The following NAV2 variants were observed in gnomAD, a reference collection of about 807,000 sequenced individuals.
NAV2 encodes neuron navigator 2, also known as helicase, APC down-regulated 1.
In NAV2, 54 loss-of-function variants were observed where a neutral mutation model predicts 223.2. The ratio of observed to expected loss-of-function variants is 0.24; its 90% CI spans 0.19 to 0.30. The LOEUF (loss-of-function observed/expected upper bound fraction) is 0.30. NAV2 is among the 10% of genes least tolerant of loss of function. The pLI is 1.00. For synonymous variants in NAV2, 1,279 were observed against 1,239.3 expected, an observed-to-expected ratio of 1.03 and a Z score of -0.67; for missense variants, 2,806 against 3,147.5, an observed-to-expected ratio of 0.89 and a Z score of 2.60.
At chr11:19,882,457 AGGT>A (rs1417189107) in intron 5 of NAV2, among the ~76,000 whole-genome samples, 2 of 152,328 alleles carry the variant, frequency 1.3e-5, no homozygotes, top group African/African-American at 4.8e-5. Context: ...ATGTTCAGAC[AGGT>A]GGTGACACAG....
intron 8 of NAV2, among the ~76,000 whole-genome samples, chr11:19,945,115 C>CTCTG (rs2046798015): frequency 1.5e-5 from 2 of 129,420 alleles, no homozygotes; most frequent in African/African-American, 5.9e-5. Flanking sequence ...TTCTTTTTTT[C>CTCTG]TCTTTCTTTC....
chr11:19,562,335 G>A (rs1300475902), intron 1 of NAV2, among the ~76,000 whole-genome samples: 1 of 152,182 alleles, frequency 6.6e-6, no homozygotes, highest in African/African-American at 2.4e-5. Flanking sequence ...CGCTCTCAGA[G>A]GGTGGAAAGT....
At chr11:19,451,414 A>G (rs1564946519) in intron 1 of NAV2, among the ~76,000 whole-genome samples, 1 of 152,088 alleles carries the variant, frequency 6.6e-6, no homozygotes, top group Non-Finnish European at 1.5e-5. Flanking sequence ...CTCTCCCCAA[A>G]TGGTACACAT....
chr11:19,411,719 G>C (rs907232646), intron 1 of NAV2, among the ~76,000 whole-genome samples: 6 of 152,080 alleles, frequency 3.9e-5, no homozygotes, highest in African/African-American at 1.4e-4. Flanking sequence ...CATTTAGATA[G>C]CCAAGGGCTA....
At chr11:19,725,880 C>A (rs371800598) in intron 1 of NAV2, among the ~76,000 whole-genome samples, 4 of 152,226 alleles carry the variant, frequency 2.6e-5, no homozygotes, top group African/African-American at 9.6e-5. Flanking sequence ...TACCAACTCT[C>A]GCTACATTCC....
intron 1 of NAV2, among the ~76,000 whole-genome samples, chr11:19,690,121 G>A (rs1359305770): frequency 1.3e-5 from 2 of 151,974 alleles, no homozygotes; most frequent in African/African-American, 4.8e-5. Flanking sequence ...CACCAACACG[G>A]CCGGCTAATT....
At chr11:19,811,014 G>T (rs1210158514) in intron 1 of NAV2, among the ~76,000 whole-genome samples, 1 of 152,196 alleles carries the variant, frequency 6.6e-6, no homozygotes, top group African/African-American at 2.4e-5. Context: ...AGGGTGCATT[G>T]TAGGTATTTA....
rs1011032615 is a variant in NAV2 at position 19,998,555 on chromosome 11, G to A, written c.2768+14308G>A. On this transcript the variant is annotated intron_variant, in intron 11 of 37. Transcript: ENST00000349880. This position sits in a 1 kb window ranked among gnomAD's most constrained non-coding sequence, Gnocchi z 5.0. ...TCCTTGCCGTGGCCTCCAAGGGGGT[G>A]TGTGTTCTGGCCCCTGCGCACCTCT... Among the ~76,000 whole-genome samples, 4 of 152,168 alleles carry A rather than the reference G, an allele frequency of 2.6e-5. No individual in the cohort carries two copies. The highest frequency in any genetic ancestry group is 5.9e-5 in the Non-Finnish European group (4 of 68,034).
chr11:19,625,788 C>A (rs1272995071), intron 1 of NAV2, among the ~76,000 whole-genome samples: 6 of 152,030 alleles, frequency 3.9e-5, no homozygotes, highest in African/African-American at 1.4e-4. Flanking sequence ...TGTGCATTTC[C>A]CTGATTACTA....
chr11:19,800,903 A>T (rs1336153050), intron 1 of NAV2, among the ~76,000 whole-genome samples: 1 of 152,178 alleles, frequency 6.6e-6, no homozygotes, highest in Non-Finnish European at 1.5e-5. Context: ...ATCCTAGACA[A>T]GGCATGAGGC....
At chr11:19,946,124 T>G (rs2046916079) in intron 8 of NAV2, among the ~76,000 whole-genome samples, 1 of 152,206 alleles carries the variant, frequency 6.6e-6, no homozygotes, top group Non-Finnish European at 1.5e-5. Flanking sequence ...GAAATGTGTT[T>G]ACATCTCAGA....
intron 1 of NAV2, among the ~76,000 whole-genome samples, chr11:19,513,266 A>G (rs1023685080): frequency 3.3e-5 from 5 of 152,244 alleles, no homozygotes; most frequent in Non-Finnish European, 5.9e-5. Context: ...ATTCTCAACC[A>G]GAAAAAGTTG....
At chr11:20,053,195 G>A (rs2153606963) in intron 17 of NAV2, among the ~76,000 whole-genome samples, 1 of 146,650 alleles carries the variant, frequency 6.8e-6, no homozygotes, top group Non-Finnish European at 1.5e-5. Flanking sequence ...TCCGGCCTGG[G>A]CAGTAGAGCA....
intron 1 of NAV2, among the ~76,000 whole-genome samples, chr11:19,785,961 A>G (rs946592411): frequency 6.6e-6 from 1 of 152,218 alleles, no homozygotes; most frequent in African/African-American, 2.4e-5. Flanking sequence ...TCACTCAGTA[A>G]GGATGACTGC....
chr11:19,454,570 C>A (rs772937606), intron 1 of NAV2, among the ~76,000 whole-genome samples: 1 of 152,150 alleles, frequency 6.6e-6, no homozygotes, highest in Non-Finnish European at 1.5e-5. Context: ...TCATTCTGAG[C>A]ATTCTTATTG....
intron 10 of NAV2, 93 bp from the exon 11 acceptor site, chr11:19,984,032 C>T: frequency 4.5e-6 from 7 of 1,548,962 alleles, no homozygotes; most frequent in Non-Finnish European, 6.2e-6. Flanking sequence ...CCTTAGAGCA[C>T]TTGGCGGCTG....
At chr11:19,457,778 G>A (rs748146085) in intron 1 of NAV2, among the ~76,000 whole-genome samples, 2 of 152,114 alleles carry the variant, frequency 1.3e-5, no homozygotes, top group South Asian at 2.1e-4. Flanking sequence ...GGGCACCACC[G>A]TCCTGGGCAG....
chr11:19,905,047 C>T (rs2153199436), intron 6 of NAV2, among the ~76,000 whole-genome samples: 1 of 152,248 alleles, frequency 6.6e-6, no homozygotes, highest in Middle Eastern at 3.4e-3. Flanking sequence ...TGGATTGGTT[C>T]CCTTAAAAGT....
At chr11:19,373,825 A>G (rs758772840) in intron 1 of NAV2, among the ~76,000 whole-genome samples, 1 of 152,192 alleles carries the variant, frequency 6.6e-6, no homozygotes, top group Non-Finnish European at 1.5e-5. Flanking sequence ...TATTTGTTAC[A>G]TGTTGAATGA....
Sources: gnomAD v4.1 joint callset for allele counts (sites outside exome capture counted in the v4.1 genomes callset) on GRCh38, gnomAD v4.1.1 for gene constraint, Gnocchi (gnomAD v3.1) non-coding constraint, MANE v1.5 for transcripts, NCBI Gene and HGNC (gene_info 2026-07-23, HGNC 2026-07-21) for gene names.